COL4A5: variants seen among roughly 807,000 people sequenced by gnomAD.
COL4A5 encodes the protein collagen type IV alpha 5 chain.
COL4A5 carries 26 observed loss-of-function variants against 130.2 expected under a neutral mutation model. That is an observed-to-expected ratio of 0.20 (90% CI 0.15 to 0.28). The LOEUF is 0.28. Ranked by LOEUF, COL4A5 falls within the 10% of genes least tolerant of loss-of-function variation. The pLI is 1.00. For synonymous variants in COL4A5, 496 were observed against 439.6 expected (o/e 1.13, Z -1.60); for missense variants, 1,131 against 1,344.3 (o/e 0.84, Z 2.48).
intron 36 of COL4A5, among the ~76,000 whole-genome samples, chrX:108,633,383 TTCTG>T (rs1484672785): frequency 9.0e-6 from 1 of 111,635 alleles, no homozygotes; most frequent in East Asian, 2.8e-4. Flanking sequence ...ACCTGAGTAT[TTCTG>T]TATGTTGTAT....
In COL4A5 at chrX:108,534,278, C is replaced by G. The variant is rs181429249; in HGVS notation, c.82-5468C>G. On this transcript the variant is annotated intron_variant, in intron 1 of 52. Coordinates refer to ENST00000328300, the MANE Select transcript of COL4A5 (RefSeq NM_033380.3). ...AGAAATCAATATATCAAAGAAATAC[C>G]TACACTTGCCTGTTTATTGCAGCAG... Among the ~76,000 whole-genome samples the G allele has an allele frequency of 1.3e-3, 141 of 111,616 alleles. 1 individual carries two copies. The highest frequency in any genetic ancestry group is 2.3e-3 in the Non-Finnish European group (121 of 52,864).
intron 16 of COL4A5, 169 bp from the exon 17 acceptor site, chrX:108,582,715 C>G: frequency 8.2e-4 from 70 of 84,938 alleles, no homozygotes; most frequent in Middle Eastern, 4.6e-3. Flanking sequence ...TTTTTTTTTT[C>G]TGAGAAAACA....
intron 34 of COL4A5, 53 bp downstream of exon 34, chrX:108,624,387 A>C: frequency 1.2e-6 from 1 of 863,942 alleles, no homozygotes; most frequent in Non-Finnish European, 1.7e-6. Context: ...TGAATTCTGG[A>C]TAAATAATTA....
At chrX:108,669,621 A>G (rs2068157421) in intron 41 of COL4A5, among the ~76,000 whole-genome samples, 1 of 112,142 alleles carries the variant, frequency 8.9e-6, no homozygotes, top group Admixed American at 9.4e-5. Context: ...GAACTGAAGC[A>G]AGTATCTTGC....
chrX:108,601,608 C>T, intron 26 of COL4A5, 123 bp downstream of exon 26: 1 of 523,644 alleles, frequency 1.9e-6, no homozygotes, highest in South Asian at 2.9e-5. Flanking sequence ...CTTGCTGCAG[C>T]AACCTCCTAC....
At chrX:108,640,660 A>G (rs1382455465) in intron 36 of COL4A5, among the ~76,000 whole-genome samples, 1 of 111,439 alleles carries the variant, frequency 9.0e-6, no homozygotes, top group African/African-American at 3.3e-5. Context: ...CTGGAGATAT[A>G]TGGTGGTGAT....
At chrX:108,676,574 A>G (rs770904922) in intron 43 of COL4A5, among the ~76,000 whole-genome samples, 1 of 112,346 alleles carries the variant, frequency 8.9e-6, no homozygotes, top group Non-Finnish European at 1.9e-5. Context: ...AGAATTCTTT[A>G]TTTTTCTTGA....
At chrX:108,542,103 T>A (rs1468851596) in intron 2 of COL4A5, among the ~76,000 whole-genome samples, 1 of 112,152 alleles carries the variant, frequency 8.9e-6, no homozygotes, top group Non-Finnish European at 1.9e-5. Flanking sequence ...AACTGTATTT[T>A]ATTTAATTTT....
At chrX:108,459,623 C>T (rs1239527386) in intron 1 of COL4A5, among the ~76,000 whole-genome samples, 1 of 112,483 alleles carries the variant, frequency 8.9e-6, no homozygotes, top group Non-Finnish European at 1.9e-5. Flanking sequence ...GTATCTATCT[C>T]TCTGCCTGCA....
Position 108,440,048 on chromosome X carries a change from C to G in COL4A5, c.-78C>G, listed in dbSNP as rs1023182265. 1 of 797,013 alleles carries G rather than the reference C, an allele frequency of 1.3e-6. No homozygotes were observed. Among genetic ancestry groups the G allele is most frequent in the Non-Finnish European group, 1.9e-6 (1 of 532,073 alleles). The allele number at this position is 797,013 out of a possible 1,213,427, so 65.7% of individuals were successfully genotyped here. ...GGCTCTAGCTCTCTCCATATAAACC[C>G]TCAAGATTATGTCAATTGGTTAGAG... On this transcript the variant is annotated 5_prime_UTR_variant, in exon 1 of 53. Transcript: ENST00000328300.
chrX:108,595,431 T>C (rs2066497381), intron 21 of COL4A5, 78 bp from the exon 22 acceptor site: 1 of 892,127 alleles, frequency 1.1e-6, no homozygotes, highest in Non-Finnish European at 1.7e-6. Context: ...CCCTTAGTGC[T>C]AACATTTTTA....
intron 2 of COL4A5, among the ~76,000 whole-genome samples, chrX:108,549,084 TA>T (rs1264365152): frequency 2.7e-5 from 3 of 111,763 alleles, no homozygotes; most frequent in Non-Finnish European, 5.6e-5. Flanking sequence ...AAGAGGATTA[TA>T]TCTCTTTTCC....
chrX:108,543,367 C>A (rs960300631), intron 2 of COL4A5, among the ~76,000 whole-genome samples: 20 of 111,787 alleles, frequency 1.8e-4, no homozygotes, highest in African/African-American at 6.5e-4. Context: ...AATAGGGAAT[C>A]CTTTCCCCAT....
chrX:108,572,809 T>C (rs968998790), intron 8 of COL4A5, among the ~76,000 whole-genome samples: 3 of 112,008 alleles, frequency 2.7e-5, no homozygotes, highest in Non-Finnish European at 5.6e-5. Flanking sequence ...AAGGGCTTTC[T>C]ACTGTGTATC....
At chrX:108,534,094 C>A (rs765712932) in intron 1 of COL4A5, among the ~76,000 whole-genome samples, 48 of 106,630 alleles carry the variant, frequency 4.5e-4, no homozygotes, top group African/African-American at 1.6e-3. Flanking sequence ...CTGTTGTGAA[C>A]ATAATCTAGT....
intron 1 of COL4A5, among the ~76,000 whole-genome samples, chrX:108,468,776 G>GT (rs778879860): frequency 5.3e-4 from 53 of 100,893 alleles, no homozygotes; most frequent in Middle Eastern, 4.9e-3. Context: ...TCTGTTGAGG[G>GT]TTTTTTTTTT....
At chrX:108,585,768 G>T (rs2066325719) in intron 18 of COL4A5, among the ~76,000 whole-genome samples, 1 of 111,203 alleles carries the variant, frequency 9.0e-6, no homozygotes, top group Non-Finnish European at 1.9e-5. Context: ...CAAGAATACA[G>T]AGTAAAAAGA....
Position 108,578,005 on chromosome X carries a change from T to C in COL4A5, c.645+18T>C, listed in dbSNP as rs2066181248. The C allele has an allele frequency of 8.3e-7, 1 of 1,203,780 alleles. No homozygotes were observed. The highest frequency in any genetic ancestry group is 1.1e-6 in the Non-Finnish European group (1 of 888,942). On this transcript the variant is annotated intron_variant, in intron 11 of 52. Transcript: ENST00000328300. ...GACCTAAGGTAATTTTCTTTTTCTTTATATCTTTTATTTGGTGTGGATTCC... is the reference window on the plus strand; with the variant it reads ...GACCTAAGGTAATTTTCTTTTTCTTCATATCTTTTATTTGGTGTGGATTCC...
At chrX:108,463,611 A>C (rs975141934) in intron 1 of COL4A5, among the ~76,000 whole-genome samples, 10 of 111,807 alleles carry the variant, frequency 8.9e-5, no homozygotes, top group Non-Finnish European at 1.7e-4. Context: ...GTGGCATCCC[A>C]TTAGGCCTGT....
Sources: gnomAD v4.1 joint callset for allele counts (sites outside exome capture counted in the v4.1 genomes callset) on GRCh38, gnomAD v4.1.1 for gene constraint, MANE v1.5 for transcripts, NCBI Gene and HGNC (gene_info 2026-07-23, HGNC 2026-07-21) for gene names.